The following CAMSAP2 variants were observed in gnomAD, a reference collection of about 807,000 sequenced individuals.
The protein encoded by CAMSAP2 is calmodulin regulated spectrin associated protein family member 2, also known as calmodulin-regulated spectrin-associated protein 2.
CAMSAP2 carries 26 observed loss-of-function variants against 146.1 expected under a neutral mutation model. The observed-to-expected ratio is 0.18, with a 90% CI of 0.13 to 0.25. The LOEUF is 0.25. Ranked by LOEUF, CAMSAP2 falls within the 10% of genes least tolerant of loss-of-function variation. The probability of loss-of-function intolerance (pLI) is 1.00; values close to 1 mark genes in which losing one functional copy is unlikely to be tolerated. For missense variants in CAMSAP2, 1,381 were observed against 1,759.3 expected, an observed-to-expected ratio of 0.78 and a Z score of 3.85; for synonymous variants, 499 against 596.6, an observed-to-expected ratio of 0.84 and a Z score of 2.38.
intron 7 of CAMSAP2, among the ~76,000 whole-genome samples, chr1:200,844,045 G>T (rs1667396399): frequency 6.6e-6 from 1 of 151,576 alleles, no homozygotes; most frequent in African/African-American, 2.4e-5. Flanking sequence ...CTAATTTTTT[G>T]TATTTTTAGT....
intron 14 of CAMSAP2, among the ~76,000 whole-genome samples, chr1:200,855,288 T>TG (rs1667721639): frequency 6.6e-6 from 1 of 152,098 alleles, no homozygotes; most frequent in South Asian, 2.1e-4. Flanking sequence ...AATTCCAAAG[T>TG]GGGTTGCCTA....
Position 200,816,728 on chromosome 1 carries a change from ATG to A in CAMSAP2, c.645+1090_645+1091del, listed in dbSNP as rs1288146508. ...TGTGTATATATACACACGCACATAT[ATG>A]TGTGTACACACACACGCGTGTATAT... On this transcript the variant is annotated intron_variant, in intron 4 of 16. Coordinates refer to ENST00000358823, the MANE Select transcript of CAMSAP2 (RefSeq NM_203459.4). Among the ~76,000 whole-genome samples the A allele has an allele frequency of 1.2e-4, 14 of 113,482 alleles. 5 individuals are homozygous for A. Among genetic ancestry groups the A allele is most frequent in the Non-Finnish European group, 2.3e-4 (12 of 51,818 alleles). 74.4% of individuals were successfully genotyped at this position (113,482 alleles called of 152,430 possible).
intron 1 of CAMSAP2, among the ~76,000 whole-genome samples, chr1:200,742,205 C>G (rs549750924): frequency 6.6e-6 from 1 of 152,350 alleles, no homozygotes; most frequent in South Asian, 2.1e-4. Context: ...CTATACCGTT[C>G]TGCAGAGTAA....
chr1:200,798,461 C>T (rs1425463783), intron 2 of CAMSAP2, among the ~76,000 whole-genome samples: 1 of 136,082 alleles, frequency 7.3e-6, no homozygotes, highest in African/African-American at 2.9e-5. Context: ...TGATTTGGCT[C>T]TCTGTTTGTC....
In CAMSAP2 at chr1:200,847,223, A is replaced by G; in HGVS notation, c.1123A>G (p.Thr375Ala). 1.2e-6 allele frequency: 2 copies of G among 1,609,470 alleles called. No homozygotes were observed. The highest frequency in any genetic ancestry group is 2.2e-5 in the East Asian group (1 of 44,788). Residue 375 changes from threonine to alanine, a missense_variant, in exon 9 of 17, where the codon ACA (threonine) becomes GCA (alanine). Physicochemically the swap from Thr to Ala is moderately conservative, Grantham distance 58 (BLOSUM62 0). Transcript: ENST00000358823. ...TTTCCATTGCAGTGGGGAAGGAGCT[A>G]CATTTACACAGTCTCATCATCATTT... is the stretch of plus-strand genomic sequence containing the variant. ...SDFPSSGEGA[T>A]FTQSHHHLPS...
chr1:200,852,723 G>T (rs774271301), intron 12 of CAMSAP2, 46 bp downstream of exon 12: 7 of 1,563,466 alleles, frequency 4.5e-6, no homozygotes, highest in Non-Finnish European at 5.2e-6. Context: ...CTTTAATGAT[G>T]CATGGGCATA....
chr1:200,808,108 C>G (rs906002816), intron 3 of CAMSAP2, among the ~76,000 whole-genome samples: 2 of 152,168 alleles, frequency 1.3e-5, no homozygotes, highest in Admixed American at 6.5e-5. Context: ...TCAGAACACT[C>G]CTAATAGTGA....
At chr1:200,829,317 G>T (rs1241916038) in intron 4 of CAMSAP2, among the ~76,000 whole-genome samples, 1 of 152,048 alleles carries the variant, frequency 6.6e-6, no homozygotes, top group Admixed American at 6.5e-5. Flanking sequence ...ACTTTGAGAG[G>T]CCAAGGTGGG....
intron 7 of CAMSAP2, among the ~76,000 whole-genome samples, chr1:200,844,004 T>G (rs1204131101): frequency 1.3e-5 from 2 of 151,978 alleles, no homozygotes; most frequent in Non-Finnish European, 2.9e-5. Flanking sequence ...CCTGAGTAGC[T>G]GGGACAACAG....
chr1:200,827,334 G>C (rs187225835), intron 4 of CAMSAP2, among the ~76,000 whole-genome samples: 1 of 152,118 alleles, frequency 6.6e-6, no homozygotes, highest in Non-Finnish European at 1.5e-5. Context: ...ATAATTTCTT[G>C]TTATCACCAT....
chr1:200,841,931 A>G (rs1558204164), intron 6 of CAMSAP2, 63 bp from the exon 7 acceptor site: 15 of 1,155,490 alleles, frequency 1.3e-5, no homozygotes, highest in Non-Finnish European at 1.7e-5. Context: ...TTTTAAAACA[A>G]TAAAATTCTG....
intron 2 of CAMSAP2, among the ~76,000 whole-genome samples, chr1:200,803,518 A>G (rs1666088714): frequency 6.6e-6 from 1 of 151,156 alleles, no homozygotes; most frequent in Non-Finnish European, 1.5e-5. Flanking sequence ...TTTAGCCTTG[A>G]GTTTATTTTT....
chr1:200,781,866 C>T (rs1665443212), intron 2 of CAMSAP2, among the ~76,000 whole-genome samples: 1 of 152,060 alleles, frequency 6.6e-6, no homozygotes, highest in Non-Finnish European at 1.5e-5. Context: ...CATGTGTACT[C>T]TTGATAGTTA....
intron 2 of CAMSAP2, among the ~76,000 whole-genome samples, chr1:200,798,130 G>T (rs1396320346): frequency 1.3e-5 from 2 of 149,434 alleles, no homozygotes; most frequent in South Asian, 2.1e-4. Context: ...TGTTCTTTTG[G>T]CTTAGGATTG....
At chr1:200,823,154 A>G (rs1666818268) in intron 4 of CAMSAP2, among the ~76,000 whole-genome samples, 1 of 152,092 alleles carries the variant, frequency 6.6e-6, no homozygotes, top group Admixed American at 6.6e-5. Flanking sequence ...CATTTATTCC[A>G]TATTTATTAG....
chr1:200,853,458 T>C lies in CAMSAP2; in HGVS notation c.3786T>C (p.His1262=). 1.2e-6 allele frequency: 2 copies of C among 1,613,720 alleles called. No individual in the cohort carries two copies. The highest frequency in any genetic ancestry group is 8.5e-7 in the Non-Finnish European group (1 of 1,179,844). ...GACCAAAATCTATTCACAGAGATCA[T>C]ATTGAATCCCCCAAAACACCAATAA... is the stretch of plus-strand genomic sequence containing the variant. ...KQRPKSIHRD[H]IESPKTPIKG... The change falls in exon 13 of 17, where the codon CAT becomes CAC. Residue 1262 remains histidine (H), a synonymous_variant. Coordinates refer to ENST00000358823, the MANE Select transcript of CAMSAP2 (RefSeq NM_203459.4). This position sits in a 1 kb window ranked among gnomAD's most constrained non-coding sequence, Gnocchi z 5.1.
Position 200,761,003 on chromosome 1 carries a change from G to C in CAMSAP2, c.304G>C (p.Ala102Pro). 6.2e-7 allele frequency: 1 copy of C among 1,614,070 alleles called. No individual in the cohort carries two copies. Among genetic ancestry groups the C allele is most frequent in the East Asian group, 2.2e-5 (1 of 44,874 alleles). ...DAAKPLLGHD[A>P]VIQALAQKGL... Reference sequence around the variant, plus strand: ...TGCAAAACCCCTTTTGGGCCATGATGCTGTAATCCAGGCTTTAGCACAGAA... The same window carrying C: ...TGCAAAACCCCTTTTGGGCCATGATCCTGTAATCCAGGCTTTAGCACAGAA... Residue 102 changes from alanine (A) to proline (P), a missense_variant, in exon 2 of 17, where the codon GCT becomes CCT. By Grantham distance (27) the Ala-to-Pro change is conservative (BLOSUM62 -1). Around this residue, in one of 4 missense-constraint regions of CAMSAP2, gnomAD observed 284 missense variants for 406.9 expected, o/e 0.70. Coordinates refer to ENST00000358823, the MANE Select transcript of CAMSAP2 (RefSeq NM_203459.4).
At chr1:200,813,759 A>G (rs10920034) in intron 3 of CAMSAP2, among the ~76,000 whole-genome samples, 26,146 of 152,106 alleles carry the variant, frequency 0.17, 2,988 homozygotes, top group East Asian at 0.35. Context: ...TGGCAGATCA[A>G]TTACGACTAC....
At chr1:200,839,763 G>T (rs1248917003) in intron 6 of CAMSAP2, among the ~76,000 whole-genome samples, 1 of 152,142 alleles carries the variant, frequency 6.6e-6, no homozygotes, top group Non-Finnish European at 1.5e-5. Flanking sequence ...CACTGCTTGG[G>T]TGATGGGTGC....
Sources: allele counts gnomAD v4.1 joint callset (sites outside exome capture counted in the v4.1 genomes callset), GRCh38; gene constraint gnomAD v4.1.1; regional missense constraint gnomAD v4.1.1; non-coding constraint Gnocchi (gnomAD v3.1); transcripts MANE v1.5; gene names NCBI Gene and HGNC (gene_info 2026-07-23, HGNC 2026-07-21).